COL23A1: variants seen among roughly 807,000 people sequenced by gnomAD.
COL23A1 encodes the protein collagen type XXIII alpha 1 chain, also known as collagen alpha-1(XXIII) chain.
A neutral mutation model predicts 99.3 loss-of-function variants in COL23A1; 97 were observed. The observed-to-expected ratio is 0.98, with a 90% CI of 0.83 to 1.16. The LOEUF (loss-of-function observed/expected upper bound fraction) is 1.16. Among genes scored for constraint, COL23A1 ranks in the 50% most tolerant of loss-of-function variants. The pLI, the probability that COL23A1 is intolerant of heterozygous loss-of-function variation, is 0.00. For synonymous variants in COL23A1, 320 were observed against 308.2 expected (o/e 1.04, Z -0.40); for missense variants, 762 against 757.4 (o/e 1.01, Z -0.07).
chr5:178,470,014 ACT>A (rs968599631), intron 2 of COL23A1, among the ~76,000 whole-genome samples: 4 of 152,116 alleles, frequency 2.6e-5, no homozygotes, highest in African/African-American at 7.2e-5. Context: ...GCAAGCAGTC[ACT>A]CTAGCCAGCT....
intron 2 of COL23A1, chr5:178,352,176 C>T (rs1761367705): frequency 6.6e-6 from 1 of 152,242 alleles, no homozygotes; most frequent in Admixed American, 6.5e-5. Context: ...CCTCGCTGTC[C>T]TGGTCTCACC....
intron 2 of COL23A1, among the ~76,000 whole-genome samples, chr5:178,552,706 TAAA>T (rs60501006): frequency 0.21 from 28,531 of 135,936 alleles, 3,544 homozygotes; most frequent in Middle Eastern, 0.4. Flanking sequence ...CAAAAAAAAT[TAAA>T]AAAAAAAAAA....
At chr5:178,371,833 G>A (rs556920385) in intron 2 of COL23A1, among the ~76,000 whole-genome samples, 9 of 152,332 alleles carry the variant, frequency 5.9e-5, no homozygotes, top group African/African-American at 1.7e-4. Context: ...GGGCGGAAAT[G>A]TTTCTAAGCA....
intron 2 of COL23A1, among the ~76,000 whole-genome samples, chr5:178,516,835 C>T (rs1478742287): frequency 6.6e-6 from 1 of 152,192 alleles, no homozygotes; most frequent in Non-Finnish European, 1.5e-5. Flanking sequence ...CACCTCACAC[C>T]TATCCTGAAG....
At chr5:178,437,710 G>T (rs969307154) in intron 2 of COL23A1, among the ~76,000 whole-genome samples, 2 of 152,196 alleles carry the variant, frequency 1.3e-5, no homozygotes, top group Non-Finnish European at 2.9e-5. Flanking sequence ...CTACTTCCCT[G>T]CTGCTCACCT....
chr5:178,416,332 T>C (rs919380269), intron 2 of COL23A1, among the ~76,000 whole-genome samples: 4 of 152,196 alleles, frequency 2.6e-5, no homozygotes, highest in African/African-American at 9.6e-5. Context: ...GCAGCTGGCC[T>C]GCCTCCCTCA....
intron 2 of COL23A1, among the ~76,000 whole-genome samples, chr5:178,477,905 G>C (rs771838767): frequency 6.6e-6 from 1 of 152,248 alleles, no homozygotes; most frequent in Non-Finnish European, 1.5e-5. Context: ...CCATTTCACA[G>C]ATGAGAAAAT....
chr5:178,274,578 G>GA (rs376290879), intron 5 of COL23A1, among the ~76,000 whole-genome samples: 1 of 143,798 alleles, frequency 7.0e-6, no homozygotes, highest in Non-Finnish European at 1.5e-5. Context: ...GGCTGGGTGT[G>GA]GGGGGGGTCT....
intron 2 of COL23A1, chr5:178,352,232 G>C (rs1000210694): frequency 1.3e-5 from 2 of 152,204 alleles, no homozygotes; most frequent in Non-Finnish European, 2.9e-5. Context: ...TCTGTGACTG[G>C]ATCAAGTTTG....
In COL23A1 at chr5:178,320,879, G is replaced by A. The variant is rs577949887; in HGVS notation, c.362-13960C>T. On this transcript the variant is annotated intron_variant, in intron 2 of 28. Transcript: ENST00000390654. The stretch of plus-strand genomic sequence containing the variant: ...GGGGCCTTCTGTGGGCCTGGAGGTC[G>A]CATGGGCCCAGAGCTGGATCCTGCC... Among the ~76,000 whole-genome samples, 4 of 152,292 alleles carry A rather than the reference G, an allele frequency of 2.6e-5. No individual in the cohort carries two copies. In the East Asian group the frequency reaches 5.8e-4, roughly 22 times the overall value.
intron 5 of COL23A1, among the ~76,000 whole-genome samples, chr5:178,274,951 C>T (rs890694554): frequency 2.0e-5 from 3 of 152,246 alleles, no homozygotes; most frequent in Non-Finnish European, 4.4e-5. Flanking sequence ...TTAAATCACT[C>T]TTTCCCCATG....
intron 5 of COL23A1, among the ~76,000 whole-genome samples, chr5:178,275,120 G>A (rs1287071965): frequency 6.6e-6 from 1 of 152,158 alleles, no homozygotes; most frequent in Non-Finnish European, 1.5e-5. Context: ...CTTTGCTCAG[G>A]GACTGGGGTG....
At chr5:178,321,480 CT>C (rs570803192) in intron 2 of COL23A1, among the ~76,000 whole-genome samples, 3,854 of 108,904 alleles carry the variant, frequency 0.035, 18 homozygotes, top group African/African-American at 0.055. Context: ...GTCACCTTCC[CT>C]TTTTTTTTTT....
At chr5:178,373,340 C>T (rs947761692) in intron 2 of COL23A1, among the ~76,000 whole-genome samples, 4 of 152,310 alleles carry the variant, frequency 2.6e-5, no homozygotes, top group African/African-American at 4.8e-5. Flanking sequence ...GTTTGGGTTC[C>T]GCAGAACTGA....
intron 2 of COL23A1, among the ~76,000 whole-genome samples, chr5:178,321,792 T>C (rs1759332620): frequency 6.6e-6 from 1 of 150,410 alleles, no homozygotes; most frequent in Non-Finnish European, 1.5e-5. Flanking sequence ...CCCGGCCCCG[T>C]AGCCTTCCTT....
chr5:178,472,048 G>GC (rs1756781961), intron 2 of COL23A1, among the ~76,000 whole-genome samples: 1 of 152,146 alleles, frequency 6.6e-6, no homozygotes, highest in East Asian at 1.9e-4. Flanking sequence ...TCCCGGTGCT[G>GC]TGGGAGCTCA....
In COL23A1 at chr5:178,308,290, G is replaced by A. The variant is rs955504119; in HGVS notation, c.362-1371C>T. Among the ~76,000 whole-genome samples the A allele has an allele frequency of 3.3e-5, 5 of 152,180 alleles. No homozygotes were observed. Among genetic ancestry groups the A allele is most frequent in the African/African-American group, 4.8e-5 (2 of 41,436 alleles). On this transcript the variant is annotated intron_variant, in intron 2 of 28. Transcript: ENST00000390654. This position sits in a 1 kb window ranked among gnomAD's most constrained non-coding sequence, Gnocchi z 5.1. Reference sequence around the variant, plus strand: ...AAAAGATTTGCAGGCCCAGGGGTGAGGCGAGAATGAATTTCTTGCCAGCCT... The same window carrying A: ...AAAAGATTTGCAGGCCCAGGGGTGAAGCGAGAATGAATTTCTTGCCAGCCT...
intron 27 of COL23A1, 92 bp from the exon 28 acceptor site, chr5:178,239,271 G>C (rs990999081): frequency 2.7e-6 from 4 of 1,460,910 alleles, no homozygotes; most frequent in Non-Finnish European, 3.8e-6. Flanking sequence ...GGGAGGTGCA[G>C]GCCAGGGAGC....
At chr5:178,290,474 C>T in intron 3 of COL23A1, 105 bp from the exon 4 acceptor site, 2 of 1,448,774 alleles carry the variant, frequency 1.4e-6, no homozygotes, top group Admixed American at 1.7e-5. Context: ...CTCCTGGCCA[C>T]CTCTCCCCGG....
Sources: gnomAD v4.1 joint callset for allele counts (sites outside exome capture counted in the v4.1 genomes callset) on GRCh38, gnomAD v4.1.1 for gene constraint, Gnocchi (gnomAD v3.1) non-coding constraint, MANE v1.5 for transcripts, NCBI Gene and HGNC (gene_info 2026-07-23, HGNC 2026-07-21) for gene names.